The following MAPKAPK5 variants were observed in gnomAD, a reference collection of about 807,000 sequenced individuals.
MAPKAPK5 encodes the protein MAPK activated protein kinase 5, also known as MAP kinase-activated protein kinase 5.
In MAPKAPK5, 30 loss-of-function variants were observed where a neutral mutation model predicts 65.1. The observed-to-expected ratio is 0.46, with a 90% CI of 0.34 to 0.63. MAPKAPK5 has a LOEUF of 0.63. Among genes scored for constraint, MAPKAPK5 ranks in the 20% least tolerant of loss-of-function variants. The pLI is 0.01. For missense variants in MAPKAPK5, 433 were observed against 581.4 expected (o/e 0.74, Z 2.63); for synonymous variants, 179 against 204.6 (o/e 0.87, Z 1.07).
intron 1 of MAPKAPK5, among the ~76,000 whole-genome samples, chr12:111,852,757 A>T (rs1487817330): frequency 1.3e-5 from 2 of 152,042 alleles, no homozygotes; most frequent in East Asian, 3.9e-4. Context: ...TAAATCTATA[A>T]ATCTTGCCTT....
At position 111,870,273 on chromosome 12, in the gene MAPKAPK5, A is replaced by T; in HGVS notation, c.396A>T (p.Ile132=). 1 of 1,593,758 alleles carries T rather than the reference A, an allele frequency of 6.3e-7. No individual in the cohort carries two copies. The highest frequency in any genetic ancestry group is 8.6e-7 in the Non-Finnish European group (1 of 1,164,050). ...EKQASQVTKQ[I]ALALRHCHLL... is the part of the protein sequence containing the mutation. Reference sequence around the variant, plus strand: ...TGTTTCATTGTGTCTTTTTTCAGATAGCTTTGGCTCTGCGGCACTGTCACT... The same window carrying T: ...TGTTTCATTGTGTCTTTTTTCAGATTGCTTTGGCTCTGCGGCACTGTCACT... Residue 132 remains isoleucine (I), a splice_region_variant and synonymous_variant, in exon 6 of 14, where the codon ATA becomes ATT. Transcript: ENST00000550735.
rs1051725955 is a variant in MAPKAPK5, at chr12:111,842,289, C to T, written c.-445C>T. 3 of 154,346 alleles carry T rather than the reference C, an allele frequency of 1.9e-5. No individual in the cohort carries two copies. The highest frequency in any genetic ancestry group is 1.9e-4 in the East Asian group (1 of 5,288). The allele number at this position is 154,346 out of a possible 1,614,324, so 9.6% of individuals were successfully genotyped here. Reference sequence around the variant, plus strand: ...GCAGCGGCGCCGAGCTCTGCTTCGGCTTCGGCTTCGGCTTCGCGGCGGTGC... The same window carrying T: ...GCAGCGGCGCCGAGCTCTGCTTCGGTTTCGGCTTCGGCTTCGCGGCGGTGC... On this transcript the variant is annotated 5_prime_UTR_variant, in exon 1 of 14. Transcript: ENST00000550735.
At chr12:111,857,647 T>G (rs1489851826) in intron 1 of MAPKAPK5, among the ~76,000 whole-genome samples, 1 of 152,208 alleles carries the variant, frequency 6.6e-6, no homozygotes, top group African/African-American at 2.4e-5. Flanking sequence ...GTGAATTCTT[T>G]CAGTGTTTAT....
chr12:111,882,931 C>T (rs1711594547), intron 8 of MAPKAPK5: 1 of 825,990 alleles, frequency 1.2e-6, no homozygotes, highest in Non-Finnish European at 1.5e-6. Context: ...TATTTCTTTT[C>T]TGGCTGGGGC....
At chr12:111,862,553 T>C (rs2136098514) in intron 1 of MAPKAPK5, among the ~76,000 whole-genome samples, 1 of 152,088 alleles carries the variant, frequency 6.6e-6, no homozygotes, top group Admixed American at 6.5e-5. Context: ...ATACAAAAAT[T>C]AGTTGGGTGT....
intron 2 of MAPKAPK5, among the ~76,000 whole-genome samples, chr12:111,865,826 T>C (rs369289351): frequency 4.4e-4 from 60 of 136,676 alleles, no homozygotes; most frequent in African/African-American, 1.6e-3. Context: ...CAGAGCGAGA[T>C]TCTGTCTCAA....
chr12:111,870,387 AG>A, intron 6 of MAPKAPK5, 27 bp downstream of exon 6: 1 of 1,572,658 alleles, frequency 6.4e-7, no homozygotes. Context: ...TCTGCATTTT[AG>A]TGCTGCAACT....
In MAPKAPK5 at chr12:111,891,079, G is replaced by T. The variant is rs190052004; in HGVS notation, c.1321+935G>T. Among the ~76,000 whole-genome samples, 109 of 151,952 alleles carry T rather than the reference G, an allele frequency of 7.2e-4. 2 individuals carry two copies. Among genetic ancestry groups the T allele is most frequent in the South Asian group, 6.0e-3 (29 of 4,812 alleles). ...GCCTCACTTGTTTCCGCGTTTTTTTGTTGTTGTTGTTTTTTGTTTTGTTTT... is the reference window on the plus strand; with the variant it reads ...GCCTCACTTGTTTCCGCGTTTTTTTTTTGTTGTTGTTTTTTGTTTTGTTTT... On this transcript the variant is annotated intron_variant, in intron 13 of 13. Coordinates refer to ENST00000550735, the MANE Select transcript of MAPKAPK5 (RefSeq NM_003668.4).
rs1416478157 is a variant in MAPKAPK5 at position 111,893,074 on chromosome 12, A to G, written c.*13A>G. The G allele has an allele frequency of 6.5e-7, 1 of 1,529,666 alleles. No homozygotes were observed. Among genetic ancestry groups the G allele is most frequent in the Non-Finnish European group, 8.8e-7 (1 of 1,138,728 alleles). The allele number at this position is 1,529,666 out of a possible 1,614,324, so 94.8% of individuals were successfully genotyped here. On this transcript the variant is annotated 3_prime_UTR_variant, in exon 14 of 14. Transcript: ENST00000550735. Reference sequence around the variant, plus strand: ...CGAATCCCAATAATGACAGCTTCAGACTTTGTTTTTTTAACAATTTGAAAA... The same window carrying G: ...CGAATCCCAATAATGACAGCTTCAGGCTTTGTTTTTTTAACAATTTGAAAA...
intron 1 of MAPKAPK5, among the ~76,000 whole-genome samples, chr12:111,857,172 A>G (rs980483304): frequency 3.3e-5 from 5 of 151,892 alleles, no homozygotes; most frequent in African/African-American, 1.2e-4. Flanking sequence ...TTAAGAGAAG[A>G]AAATAATTTT....
rs542249183 is a variant in MAPKAPK5 at position 111,863,476 on chromosome 12, A to G, written c.37-1774A>G. The stretch of plus-strand genomic sequence containing the variant: ...ATACCTGAACTTAGCCTGGTATACT[A>G]GCTGCTCAGTGAGTGTGTATTACGT... On this transcript the variant is annotated intron_variant, in intron 1 of 13. Coordinates refer to ENST00000550735, the MANE Select transcript of MAPKAPK5 (RefSeq NM_003668.4). Among the ~76,000 whole-genome samples, 16 of 152,308 alleles carry G rather than the reference A, an allele frequency of 1.1e-4. No individual in the cohort carries two copies. The South Asian group carries it at 1.7e-3, about 16-fold the overall frequency.
chr12:111,865,654 G>A (rs2069576620), intron 2 of MAPKAPK5, among the ~76,000 whole-genome samples: 1 of 151,816 alleles, frequency 6.6e-6, no homozygotes, highest in Non-Finnish European at 1.5e-5. Context: ...TGGCCAACAT[G>A]GTGAAACCCC....
intron 13 of MAPKAPK5, among the ~76,000 whole-genome samples, chr12:111,891,807 T>TA (rs57996871): frequency 0.21 from 29,980 of 140,882 alleles, 3,388 homozygotes; most frequent in African/African-American, 0.32. Context: ...ACTCCGTCTT[T>TA]AAAAAAAAAA....
rs549609313 is a variant in MAPKAPK5, at chr12:111,893,091, A to G, written c.*30A>G. 5.6e-6 allele frequency: 8 copies of G among 1,438,942 alleles called. No homozygotes were observed. Among genetic ancestry groups the G allele is most frequent in the East Asian group, 5.0e-5 (2 of 39,890 alleles). 89.1% of individuals were successfully genotyped at this position (1,438,942 alleles called of 1,614,324 possible). On this transcript the variant is annotated 3_prime_UTR_variant, in exon 14 of 14. Transcript: ENST00000550735. The stretch of plus-strand genomic sequence containing the variant: ...AGCTTCAGACTTTGTTTTTTTAACA[A>G]TTTGAAAAATTATTCTTTAATGTAT...
intron 7 of MAPKAPK5, among the ~76,000 whole-genome samples, chr12:111,878,716 G>C (rs977150891): frequency 6.6e-6 from 1 of 152,016 alleles, no homozygotes; most frequent in Non-Finnish European, 1.5e-5. Context: ...ACCATGCCCC[G>C]CCTTAATTTT....
Position 111,899,734 on chromosome 12 carries a change from TTG to T in MAPKAPK5, c.*6675_*6676del. 3 of 330,396 alleles carry T rather than the reference TTG, an allele frequency of 9.1e-6. No homozygotes were observed. The highest frequency in any genetic ancestry group is 7.2e-5 in the South Asian group (3 of 41,592). The allele number at this position is 330,396 out of a possible 1,614,324, so 20.5% of individuals were successfully genotyped here. On this transcript the variant is annotated 3_prime_UTR_variant, in exon 14 of 14. Coordinates refer to ENST00000550735, the MANE Select transcript of MAPKAPK5 (RefSeq NM_003668.4). ...TACATAGAAGGAGTGTCAGGTTCTT[TTG>T]TTTCTGTCAACATCTGTGCAGGTCT...
intron 1 of MAPKAPK5, among the ~76,000 whole-genome samples, chr12:111,849,309 G>A (rs1194468208): frequency 6.7e-6 from 1 of 148,776 alleles, no homozygotes; most frequent in Non-Finnish European, 1.5e-5. Context: ...AGGCTGGAGT[G>A]CAATGGCACG....
chr12:111,868,933 G>C, intron 5 of MAPKAPK5, 72 bp downstream of exon 5: 1 of 1,154,824 alleles, frequency 8.7e-7, no homozygotes, highest in Non-Finnish European at 1.2e-6. Flanking sequence ...TTGGGGGGAA[G>C]AAAAGAAAAC....
intron 7 of MAPKAPK5, chr12:111,880,239 C>G: frequency 1.8e-6 from 1 of 562,036 alleles, no homozygotes; most frequent in Non-Finnish European, 3.2e-6. Flanking sequence ...TCTTCATGTC[C>G]TTGACCTGAG....
Sources: gnomAD v4.1 joint callset for allele counts (sites outside exome capture counted in the v4.1 genomes callset) on GRCh38, gnomAD v4.1.1 for gene constraint, MANE v1.5 for transcripts, NCBI Gene and HGNC (gene_info 2026-07-23, HGNC 2026-07-21) for gene names.